The following PPARGC1A variants were observed in gnomAD, a reference collection of about 807,000 sequenced individuals.
The protein encoded by PPARGC1A is PPARG coactivator 1 alpha.
In PPARGC1A, 25 loss-of-function variants were observed where a neutral mutation model predicts 88.7. The ratio of observed to expected loss-of-function variants is 0.28; its 90% CI spans 0.21 to 0.39. The LOEUF is 0.39. Among genes scored for constraint, PPARGC1A ranks in the 10% least tolerant of loss-of-function variants. The pLI, the probability that PPARGC1A is intolerant of heterozygous loss-of-function variation, is 1.00. For synonymous variants in PPARGC1A, 363 were observed against 355.6 expected (o/e 1.02, Z -0.24); for missense variants, 880 against 968.7 (o/e 0.91, Z 1.22).
intron 7 of PPARGC1A, among the ~76,000 whole-genome samples, chr4:23,823,014 C>T (rs1489499854): frequency 6.6e-6 from 1 of 151,872 alleles, no homozygotes; most frequent in Non-Finnish European, 1.5e-5. Flanking sequence ...TGTCTCAGTA[C>T]CCCAATAGAC....
chr4:24,260,888 C>T, the PPARGC1A span, among the ~76,000 whole-genome samples: 2 of 152,156 alleles, frequency 1.3e-5, no homozygotes, highest in Non-Finnish European at 2.9e-5. Context: ...CTATCTTCAC[C>T]TGTTAGCCCT....
At chr4:24,429,320 T>C in the PPARGC1A span, among the ~76,000 whole-genome samples, 5 of 152,118 alleles carry the variant, frequency 3.3e-5, no homozygotes, top group African/African-American at 1.2e-4. Context: ...TTTCCTGAGT[T>C]CTTTGGTATA....
chr4:24,454,689 G>A, the PPARGC1A span, among the ~76,000 whole-genome samples: 1 of 151,762 alleles, frequency 6.6e-6, no homozygotes, highest in Non-Finnish European at 1.5e-5. Context: ...AGTGAGCCAG[G>A]ATTGCACCAC....
the PPARGC1A span, among the ~76,000 whole-genome samples, chr4:24,438,158 A>G: frequency 6.6e-6 from 1 of 152,216 alleles, no homozygotes; most frequent in Non-Finnish European, 1.5e-5. Context: ...CAGAGGTAGC[A>G]CTGATGACAG....
At chr4:24,071,496 CT>C in the PPARGC1A span, among the ~76,000 whole-genome samples, 5 of 151,154 alleles carry the variant, frequency 3.3e-5, no homozygotes, top group South Asian at 2.1e-4. Context: ...AAATTGCATG[CT>C]TTTTTTTTCT....
At chr4:24,271,853 G>T in the PPARGC1A span, among the ~76,000 whole-genome samples, 2 of 152,102 alleles carry the variant, frequency 1.3e-5, no homozygotes, top group Non-Finnish European at 2.9e-5. Flanking sequence ...AACATGGTAA[G>T]TCCTCAATAC....
the PPARGC1A span, among the ~76,000 whole-genome samples, chr4:24,075,373 C>G: frequency 6.6e-6 from 1 of 152,172 alleles, no homozygotes; most frequent in Non-Finnish European, 1.5e-5. Flanking sequence ...CTTCTCAGAA[C>G]CATCACCCAT....
At chr4:23,840,966 A>C (rs1726957255) in intron 2 of PPARGC1A, among the ~76,000 whole-genome samples, 2 of 152,176 alleles carry the variant, frequency 1.3e-5, no homozygotes, top group South Asian at 2.1e-4. Flanking sequence ...GGGAAGAAAG[A>C]ATATGAACAG....
chr4:24,459,861 T>C, the PPARGC1A span, among the ~76,000 whole-genome samples: 14 of 152,196 alleles, frequency 9.2e-5, no homozygotes, highest in African/African-American at 3.1e-4. Context: ...AAATAACTAA[T>C]AACAACAATT....
chr4:24,186,327 T>G, the PPARGC1A span, among the ~76,000 whole-genome samples: 2 of 152,138 alleles, frequency 1.3e-5, no homozygotes, highest in Admixed American at 6.5e-5. Context: ...AGAATAGGTA[T>G]TTGGGTTTCA....
the PPARGC1A span, among the ~76,000 whole-genome samples, chr4:24,083,132 T>C: frequency 6.6e-6 from 1 of 152,172 alleles, no homozygotes; most frequent in Non-Finnish European, 1.5e-5. Flanking sequence ...TGCCTGGAAC[T>C]GTCCTAGGCC....
the PPARGC1A span, among the ~76,000 whole-genome samples, chr4:24,312,942 G>T: frequency 1.1e-4 from 17 of 152,082 alleles, no homozygotes; most frequent in Middle Eastern, 3.4e-3. Flanking sequence ...AAACAGCAAA[G>T]TTCAGAAGCT....
chr4:23,868,797 A>G (rs1409412819), intron 2 of PPARGC1A, among the ~76,000 whole-genome samples: 1 of 152,250 alleles, frequency 6.6e-6, no homozygotes, highest in Non-Finnish European at 1.5e-5. Context: ...CCAGTCTTTA[A>G]AATAGCATAT....
chr4:24,099,916 A>G, the PPARGC1A span, among the ~76,000 whole-genome samples: 1 of 146,360 alleles, frequency 6.8e-6, no homozygotes, highest in Non-Finnish European at 1.5e-5. Flanking sequence ...GTTAGAAATG[A>G]ACAATGAGAA....
At chr4:24,212,526 G>T in the PPARGC1A span, among the ~76,000 whole-genome samples, 1 of 152,180 alleles carries the variant, frequency 6.6e-6, no homozygotes, top group African/African-American at 2.4e-5. Context: ...ATGGAATAAT[G>T]TATTCTAAGT....
the PPARGC1A span, among the ~76,000 whole-genome samples, chr4:24,191,551 C>T: frequency 2.0e-5 from 3 of 152,152 alleles, no homozygotes; most frequent in Non-Finnish European, 4.4e-5. Context: ...ACTTGGACAT[C>T]CACCAAAAGC....
chr4:23,892,287 C>T (rs2148859898), upstream of PPARGC1A, among the ~76,000 whole-genome samples: 1 of 152,270 alleles, frequency 6.6e-6, no homozygotes, highest in South Asian at 2.1e-4. Flanking sequence ...GTGTTTTCTT[C>T]ACTCTCACTA....
chr4:24,419,677 C>G, the PPARGC1A span, among the ~76,000 whole-genome samples: 1 of 152,022 alleles, frequency 6.6e-6, no homozygotes, highest in South Asian at 2.1e-4. Flanking sequence ...CTTTTATCTG[C>G]TGACTCTTCA....
chr4:24,442,131 G>T, the PPARGC1A span, among the ~76,000 whole-genome samples: 1 of 151,854 alleles, frequency 6.6e-6, no homozygotes, highest in Non-Finnish European at 1.5e-5. Flanking sequence ...AGACTTTAGA[G>T]TTCAAAAAAA....
Sources: gnomAD v4.1 joint callset for allele counts (sites outside exome capture counted in the v4.1 genomes callset) on GRCh38, gnomAD v4.1.1 for gene constraint, MANE v1.5 for transcripts, NCBI Gene and HGNC (gene_info 2026-07-23, HGNC 2026-07-21) for gene names.